Variants in PRPF40B observed in about 807,000 individuals in gnomAD.
The protein encoded by PRPF40B is pre-mRNA processing factor 40B.
A neutral mutation model predicts 124.5 loss-of-function variants in PRPF40B; 56 were observed. That is an observed-to-expected ratio of 0.45 (90% CI 0.36 to 0.56). The LOEUF (loss-of-function observed/expected upper bound fraction) is 0.56, where lower values mean the gene tolerates loss of function less well. PRPF40B is among the 20% of genes least tolerant of loss of function. The pLI, the probability that PRPF40B is intolerant of heterozygous loss-of-function variation, is 0.00. For synonymous variants in PRPF40B, 443 were observed against 426.4 expected, an observed-to-expected ratio of 1.04 and a Z score of -0.48; for missense variants, 1,053 against 1,169.5, an observed-to-expected ratio of 0.90 and a Z score of 1.45.
intron 18 of PRPF40B, 26 bp from the exon 19 acceptor site, chr12:49,641,882 T>A: frequency 6.2e-7 from 1 of 1,604,942 alleles, no homozygotes; most frequent in South Asian, 1.1e-5. Flanking sequence ...GTGGTGCCCC[T>A]GCTTCATGCA....
In PRPF40B at chr12:49,643,944, G is replaced by T. The variant is rs552348674; in HGVS notation, c.2526G>T (p.Arg842Ser). ...AAGAACAAGAACAGGACAAGGACAG[G>T]GAGCTCCAACAGGCAGAGCTCCCTA... The part of the protein sequence containing the change: ...DEKEQEQDKD[R>S]ELQQAELPNR... Residue 842 changes from arginine (R) to serine (S), a missense_variant, in exon 25 of 26, where the codon AGG becomes AGT. Physicochemically the swap from Arg to Ser is moderately radical, Grantham distance 110 (BLOSUM62 -1). Around this residue, in one of 2 missense-constraint regions of PRPF40B, gnomAD observed 895 missense variants for 1,052.2 expected, o/e 0.85. Coordinates refer to ENST00000548825, the MANE Select transcript of PRPF40B (RefSeq NM_001031698.3). 1.9e-6 allele frequency: 3 copies of T among 1,614,202 alleles called. No homozygotes were observed. The African/African-American group carries it at 4.0e-5, about 22-fold the overall frequency.
chr12:49,636,012 T>A lies in PRPF40B; in HGVS notation c.1426+19T>A. The A allele has an allele frequency of 6.2e-7, 1 of 1,613,340 alleles. No homozygotes were observed. ...CTGCAGAGTAAGCCTGGGCCTCCAA[T>A]CCCAGCTATCCCTTTCCCTTTCTTT... On this transcript the variant is annotated intron_variant, in intron 15 of 25. Transcript: ENST00000548825.
chr12:49,635,544 A>T lies in PRPF40B; in HGVS notation c.1275+71A>T. The T allele has an allele frequency of 7.1e-7, 1 of 1,414,776 alleles. No homozygotes were observed. The highest frequency in any genetic ancestry group is 9.7e-7 in the Non-Finnish European group (1 of 1,031,066). The allele number at this position is 1,414,776 out of a possible 1,614,324, so 87.6% of individuals were successfully genotyped here. Reference sequence around the variant, plus strand: ...TTTCCTTGTCTTTGCTTTGTTATGGACCCTCGCCATTTACTTCTCTACTTC... The same window carrying T: ...TTTCCTTGTCTTTGCTTTGTTATGGTCCCTCGCCATTTACTTCTCTACTTC... On this transcript the variant is annotated intron_variant, in intron 14 of 25. Transcript: ENST00000548825. This position sits in a 1 kb window ranked among gnomAD's most constrained non-coding sequence, Gnocchi z 4.1.
chr12:49,638,668 A>T (rs1465410211), intron 18 of PRPF40B: 2 of 152,264 alleles, frequency 1.3e-5, no homozygotes, highest in East Asian at 3.8e-4. Context: ...TTGAGGAGAT[A>T]ATACAGTACA....
chr12:49,641,632 A>T, intron 18 of PRPF40B: 1 of 438,988 alleles, frequency 2.3e-6, no homozygotes, highest in East Asian at 4.0e-5. Flanking sequence ...CCAAAGGAAC[A>T]AAAGTTAATT....
At chr12:49,638,067 G>A in intron 18 of PRPF40B, 2 of 490,490 alleles carry the variant, frequency 4.1e-6, no homozygotes, top group Non-Finnish European at 7.3e-6. Flanking sequence ...TGTTATTACA[G>A]AGACAGGAAT....
At chr12:49,641,684 CA>C in intron 18 of PRPF40B, 1 of 541,922 alleles carries the variant, frequency 1.8e-6, no homozygotes, top group African/African-American at 1.9e-5. Flanking sequence ...AGACATCTCC[CA>C]ACCCCTTCAG....
intron 1 of PRPF40B, among the ~76,000 whole-genome samples, chr12:49,628,855 C>T (rs188065350): frequency 1.3e-3 from 196 of 152,300 alleles, no homozygotes; most frequent in South Asian, 0.011. Context: ...TGTGAGCCAC[C>T]GTGCCCAGCC....
chr12:49,637,513 T>C lies in PRPF40B; in HGVS notation c.1604T>C (p.Met535Thr), dbSNP rs1278204767. The C allele has an allele frequency of 3.7e-6, 6 of 1,613,778 alleles. No homozygotes were observed. The highest frequency in any genetic ancestry group is 2.2e-5 in the South Asian group (2 of 91,090). Residue 535 changes from methionine (M) to threonine (T), a missense_variant, in exon 17 of 26, where the codon ATG (methionine) becomes ACG (threonine). Physicochemically the swap from Met to Thr is moderately conservative, Grantham distance 81. This residue lies in a region of PRPF40B where 895 missense variants were observed against 1,052.2 expected (regional missense o/e 0.85). Transcript: ENST00000548825. ...CATGAGACAGGGCAGCTGCACTCTA[T>C]GTCCACCTGGATGGAGCTATATCCA... ...ELHETGQLHS[M>T]STWMELYPAV...
intron 1 of PRPF40B, chr12:49,623,955 T>G: frequency 2.8e-6 from 3 of 1,086,394 alleles, no homozygotes; most frequent in Non-Finnish European, 2.2e-6. Context: ...GGGACCAGTT[T>G]CCCCTCCTGG....
At chr12:49,623,033 G>T (rs546012933), upstream of PRPF40B, among the ~76,000 whole-genome samples, 1 of 151,924 alleles carries the variant, frequency 6.6e-6, no homozygotes, top group African/African-American at 2.4e-5. Context: ...CCCCACAAGG[G>T]CGTGATTTCG....
chr12:49,642,685 G>A lies in PRPF40B; in HGVS notation c.2118+10G>A. 1 of 1,612,756 alleles carries A rather than the reference G, an allele frequency of 6.2e-7. No homozygotes were observed. Among genetic ancestry groups the A allele is most frequent in the Non-Finnish European group, 8.5e-7 (1 of 1,179,392 alleles). Reference sequence around the variant, plus strand: ...CCTACAGGTGCTGGAGGTGAGGCAGGCTTGTCCTCTGGATCTGCCTCAGGC... The same window carrying A: ...CCTACAGGTGCTGGAGGTGAGGCAGACTTGTCCTCTGGATCTGCCTCAGGC... On this transcript the variant is annotated intron_variant, in intron 21 of 25. Coordinates refer to ENST00000548825, the MANE Select transcript of PRPF40B (RefSeq NM_001031698.3). The surrounding 1 kb of genome is among the most constrained non-coding windows in gnomAD (Gnocchi z 5.8).
intron 24 of PRPF40B, 26 bp downstream of exon 24, chr12:49,643,778 C>T (rs1195989988): frequency 6.2e-7 from 1 of 1,613,704 alleles, no homozygotes; most frequent in Non-Finnish European, 8.5e-7. Flanking sequence ...TCTACCTAAG[C>T]CCCTGCTATT....
chr12:49,643,356 T>C lies in PRPF40B; in HGVS notation c.2339T>C (p.Leu780Pro). The change falls in exon 23 of 26, where the codon CTT (leucine) becomes CCT (proline). Residue 780 changes from leucine to proline, a missense_variant. Physicochemically the swap from Leu to Pro is moderately conservative, Grantham distance 98 (BLOSUM62 -3). Coordinates refer to ENST00000548825, the MANE Select transcript of PRPF40B (RefSeq NM_001031698.3). ...TCAGTTGAAAGTGGGGGTGCTGCCC[T>C]TGGAGGACGGGGCTCCCCTTCCTCC... ...LDSVESGGAALGGRGSPSSHL... is the reference protein window; with the variant it reads ...LDSVESGGAAPGGRGSPSSHL... The C allele has an allele frequency of 1.1e-5, 18 of 1,593,818 alleles. No individual in the cohort carries two copies. Among genetic ancestry groups the C allele is most frequent in the Non-Finnish European group, 1.5e-5 (18 of 1,170,430 alleles).
In PRPF40B at chr12:49,635,795, G is replaced by A. The variant is rs753922889; in HGVS notation, c.1276-48G>A. 7.5e-6 allele frequency: 12 copies of A among 1,603,642 alleles called. No individual in the cohort carries two copies. Among genetic ancestry groups the A allele is most frequent in the Non-Finnish European group, 7.7e-6 (9 of 1,173,854 alleles). ...GGTCCTCCTCTGCCCAGGCCTACTT[G>A]GGTAGCTCTGGCCTGCCCTGCCTCA... On this transcript the variant is annotated intron_variant, in intron 14 of 25. Transcript: ENST00000548825. The surrounding 1 kb of genome is among the most constrained non-coding windows in gnomAD (Gnocchi z 4.1).
Position 49,643,663 on chromosome 12 carries a change from G to A in PRPF40B, c.2381-28G>A, listed in dbSNP as rs377741337. ...AAAGAGCCTGTCTTTCTCCTGTTGG[G>A]ACTTAGTAGGGATTTTTCTATCTCT... On this transcript the variant is annotated intron_variant, in intron 23 of 25. Coordinates refer to ENST00000548825, the MANE Select transcript of PRPF40B (RefSeq NM_001031698.3). 4.2e-5 allele frequency: 68 copies of A among 1,608,316 alleles called. No homozygotes were observed. The African/African-American group carries it at 5.2e-4, about 12-fold the overall frequency.
chr12:49,627,082 T>C (rs927052709), intron 1 of PRPF40B, among the ~76,000 whole-genome samples: 1 of 152,192 alleles, frequency 6.6e-6, no homozygotes, highest in Non-Finnish European at 1.5e-5. Flanking sequence ...TTTGTACCCA[T>C]AGATGGTGGT....
chr12:49,641,657 A>G (rs888631251), intron 18 of PRPF40B: 2 of 486,878 alleles, frequency 4.1e-6, no homozygotes, highest in Non-Finnish European at 3.7e-6. Context: ...GAAACTCAGC[A>G]TTAATCAGCA....
rs775117566 is a variant in PRPF40B, at chr12:49,633,898, G to C, written c.618G>C (p.Gln206His). The change falls in exon 10 of 26, where the codon CAG (glutamine) becomes CAC (histidine). Residue 206 changes from glutamine to histidine, a missense_variant. Around this residue, in one of 2 missense-constraint regions of PRPF40B, gnomAD observed 895 missense variants for 1,052.2 expected, o/e 0.85. Coordinates refer to ENST00000548825, the MANE Select transcript of PRPF40B (RefSeq NM_001031698.3). ...GGCTCATCTGCAGGAAACAGCAGCA[G>C]CAGCTGCCACAGACACTTCAGCCAC... The part of the protein sequence containing the change: ...VKQEAAGKQQ[Q>H]QLPQTLQPQP... 6.2e-7 allele frequency: 1 copy of C among 1,614,052 alleles called. No individual in the cohort carries two copies. The highest frequency in any genetic ancestry group is 1.1e-5 in the South Asian group (1 of 91,082).
Sources: gnomAD v4.1 joint callset for allele counts (sites outside exome capture counted in the v4.1 genomes callset) on GRCh38, gnomAD v4.1.1 for gene constraint, gnomAD v4.1.1 regional missense constraint, Gnocchi (gnomAD v3.1) non-coding constraint, MANE v1.5 for transcripts, NCBI Gene and HGNC (gene_info 2026-07-23, HGNC 2026-07-21) for gene names.